Variants in REDIC1 observed in about 807,000 individuals in gnomAD.
REDIC1 encodes HEI10 Interacting Protein 1.
the REDIC1 span, among the ~76,000 whole-genome samples, chr12:39,699,454 C>A: frequency 6.6e-6 from 1 of 152,196 alleles, no homozygotes; most frequent in Non-Finnish European, 1.5e-5. Context: ...GGTCCTACGC[C>A]CAGGGAGTCT....
chr12:39,870,535 CT>C, the REDIC1 span, among the ~76,000 whole-genome samples: 1 of 152,168 alleles, frequency 6.6e-6, no homozygotes, highest in Non-Finnish European at 1.5e-5. Flanking sequence ...ACCTGGTAGG[CT>C]TCTGCCTTTA....
chr12:39,873,016 T>A, the REDIC1 span, among the ~76,000 whole-genome samples: 1 of 152,236 alleles, frequency 6.6e-6, no homozygotes, highest in East Asian at 1.9e-4. Flanking sequence ...ATCAAATCTG[T>A]TTTGAATACG....
At chr12:39,722,624 T>G in the REDIC1 span, among the ~76,000 whole-genome samples, 46 of 152,142 alleles carry the variant, frequency 3.0e-4, no homozygotes, top group Non-Finnish European at 4.6e-4. Flanking sequence ...TGCATCAAAG[T>G]CTAGCAATAT....
the REDIC1 span, among the ~76,000 whole-genome samples, chr12:39,753,931 G>A: frequency 4.6e-5 from 7 of 152,104 alleles, no homozygotes; most frequent in African/African-American, 1.7e-4. Flanking sequence ...TAAATGATTT[G>A]AATTCAGTCT....
the REDIC1 span, among the ~76,000 whole-genome samples, chr12:39,633,505 A>G: frequency 1.3e-5 from 2 of 152,202 alleles, no homozygotes; most frequent in Non-Finnish European, 2.9e-5. Flanking sequence ...CAGAAGGACT[A>G]TGTGCTAAAA....
the REDIC1 span, among the ~76,000 whole-genome samples, chr12:39,772,094 T>C: frequency 6.6e-6 from 1 of 152,208 alleles, no homozygotes; most frequent in South Asian, 2.1e-4. Context: ...TTTATGTCAT[T>C]ATCATATAGT....
the REDIC1 span, among the ~76,000 whole-genome samples, chr12:39,827,825 T>C: frequency 2.0e-5 from 3 of 152,288 alleles, no homozygotes; most frequent in South Asian, 6.2e-4. Context: ...AATTCAGAGT[T>C]CATCAACATT....
the REDIC1 span, among the ~76,000 whole-genome samples, chr12:39,713,176 C>T: frequency 6.7e-6 from 1 of 149,060 alleles, no homozygotes; most frequent in African/African-American, 2.5e-5. Flanking sequence ...TATATATGTG[C>T]ATATACCCAT....
At chr12:39,896,582 A>G in the REDIC1 span, among the ~76,000 whole-genome samples, 39 of 147,436 alleles carry the variant, frequency 2.6e-4, no homozygotes, top group South Asian at 2.6e-3. Context: ...GTATGTGTGT[A>G]TATATGTATA....
chr12:39,862,871 C>T, the REDIC1 span, among the ~76,000 whole-genome samples: 2 of 152,098 alleles, frequency 1.3e-5, no homozygotes. Flanking sequence ...TCCAATTCTA[C>T]TCTTTTAGTT....
At chr12:39,877,113 G>A in the REDIC1 span, among the ~76,000 whole-genome samples, 3 of 151,950 alleles carry the variant, frequency 2.0e-5, no homozygotes, top group Admixed American at 6.6e-5. Flanking sequence ...TTTTCCTATT[G>A]GGAGACTGTT....
chr12:39,823,025 A>G, the REDIC1 span, among the ~76,000 whole-genome samples: 1 of 152,210 alleles, frequency 6.6e-6, no homozygotes, highest in African/African-American at 2.4e-5. Context: ...GGGAGTCTAA[A>G]TTTCTGAACC....
chr12:39,735,730 A>G, the REDIC1 span, among the ~76,000 whole-genome samples: 33 of 152,384 alleles, frequency 2.2e-4, no homozygotes, highest in Non-Finnish European at 8.8e-5. Context: ...TATTTCATAC[A>G]GGTAACTATC....
the REDIC1 span, among the ~76,000 whole-genome samples, chr12:39,711,332 CACATATATACATCTATATGTATATAT>C: frequency 1.5e-4 from 22 of 145,130 alleles, no homozygotes; most frequent in Non-Finnish European, 2.9e-4. Context: ...ATGTATAGAT[CACATATATACATCTATATGTATATAT>C]ACATATATAC....
the REDIC1 span, chr12:39,646,403 C>G: frequency 6.7e-7 from 1 of 1,483,438 alleles, no homozygotes. Flanking sequence ...TAATTTAGAA[C>G]TTACAATGTC....
the REDIC1 span, among the ~76,000 whole-genome samples, chr12:39,837,181 T>C: frequency 0.69 from 93,231 of 135,532 alleles, 32,862 homozygotes; most frequent in African/African-American, 0.85. Context: ...TCAGAAATAA[T>C]GCCACATACC....
the REDIC1 span, among the ~76,000 whole-genome samples, chr12:39,877,888 G>A: frequency 2.0e-5 from 3 of 152,112 alleles, no homozygotes; most frequent in African/African-American, 7.2e-5. Context: ...GCTGAGGTAG[G>A]GCATGGTGGG....
the REDIC1 span, chr12:39,641,073 C>A: frequency 8.8e-7 from 1 of 1,130,972 alleles, no homozygotes; most frequent in South Asian, 1.3e-5. Flanking sequence ...CTAATACATT[C>A]ACCTAAGTGA....
the REDIC1 span, among the ~76,000 whole-genome samples, chr12:39,863,174 C>A: frequency 5.9e-5 from 9 of 152,044 alleles, no homozygotes; most frequent in African/African-American, 1.7e-4. Flanking sequence ...ACTTCTCTTA[C>A]CTCATTAAAA....
Sources: allele counts gnomAD v4.1 joint callset (sites outside exome capture counted in the v4.1 genomes callset), GRCh38; gene constraint gnomAD v4.1.1; transcripts MANE v1.5; gene names NCBI Gene and HGNC (gene_info 2026-07-23, HGNC 2026-07-21).